PPP1R1C: variants seen among roughly 807,000 people sequenced by gnomAD.
The protein encoded by PPP1R1C is protein phosphatase 1 regulatory inhibitor subunit 1C.
In PPP1R1C, 15 loss-of-function variants were observed where a neutral mutation model predicts 17.4. That is an observed-to-expected ratio of 0.86 (90% CI 0.58 to 1.33). The LOEUF is 1.33. PPP1R1C is among the 40% of genes most tolerant of loss of function. The pLI is 0.00. For missense variants in PPP1R1C, 143 were observed against 130.0 expected (o/e 1.10, Z -0.48); for synonymous variants, 35 against 43.1 (o/e 0.81, Z 0.73).
At chr2:182,051,873 C>T (rs1428748782) in intron 2 of PPP1R1C, among the ~76,000 whole-genome samples, 1 of 152,006 alleles carries the variant, frequency 6.6e-6, no homozygotes, top group African/African-American at 2.4e-5. Flanking sequence ...TACTGGTGCG[C>T]ATCTGCAATC....
At chr2:182,022,167 C>T (rs755805959) in intron 2 of PPP1R1C, among the ~76,000 whole-genome samples, 1 of 152,150 alleles carries the variant, frequency 6.6e-6, no homozygotes, top group Admixed American at 6.5e-5. Flanking sequence ...ATTAAAGAAA[C>T]CACTACATGC....
downstream of PPP1R1C, among the ~76,000 whole-genome samples, chr2:182,119,676 A>G (rs901146127): frequency 2.6e-5 from 4 of 152,042 alleles, no homozygotes; most frequent in African/African-American, 7.2e-5. Context: ...GCATTTTTTC[A>G]TGTGTCTGTT....
intron 2 of PPP1R1C, among the ~76,000 whole-genome samples, chr2:181,996,831 A>C (rs1685625394): frequency 6.6e-6 from 1 of 152,234 alleles, no homozygotes; most frequent in Non-Finnish European, 1.5e-5. Flanking sequence ...ACATAGAAGA[A>C]TGAGAAGTTA....
intron 2 of PPP1R1C, among the ~76,000 whole-genome samples, chr2:181,997,222 C>G (rs1040882860): frequency 4.4e-5 from 6 of 135,910 alleles, no homozygotes; most frequent in African/African-American, 1.8e-4. Context: ...GAGCAAGACT[C>G]CGTCTCAAAA....
At chr2:182,002,056 G>T (rs1685782597) in intron 2 of PPP1R1C, among the ~76,000 whole-genome samples, 1 of 152,080 alleles carries the variant, frequency 6.6e-6, no homozygotes, top group African/African-American at 2.4e-5. Context: ...GCGTATCATT[G>T]TGGACATATT....
intron 5 of PPP1R1C, among the ~76,000 whole-genome samples, chr2:182,123,935 A>G (rs541218335): frequency 6.5e-4 from 99 of 152,104 alleles, no homozygotes; most frequent in Non-Finnish European, 1.3e-3. Flanking sequence ...GCCCATCCCT[A>G]TGTCGTGAAT....
intron 4 of PPP1R1C, among the ~76,000 whole-genome samples, chr2:182,093,070 C>G (rs1443758098): frequency 6.6e-6 from 1 of 152,188 alleles, no homozygotes; most frequent in Non-Finnish European, 1.5e-5. Context: ...CCATGAGGGC[C>G]CTAACCCCTG....
Position 181,962,576 on chromosome 2 carries a change from C to G in PPP1R1C, n.111+7942C>G. The G allele has an allele frequency of 2.0e-6, 1 of 499,146 alleles. No individual in the cohort carries two copies. Among genetic ancestry groups the G allele is most frequent in the Non-Finnish European group, 3.6e-6 (1 of 277,890 alleles). 30.9% of individuals were successfully genotyped at this position (499,146 alleles called of 1,614,324 possible). A position where few individuals can be genotyped will look rare whatever the true frequency, so the allele number is the denominator to read the frequency against. ...CTGCAGAGAAACATCAAGCTCAGAT[C>G]GAACAAAGCAAAGAGCGGGAGGGGC... On this transcript the variant is annotated intron_variant and non_coding_transcript_variant, in intron 1 of 5. Transcript: ENST00000464264. This position sits in a 1 kb window ranked among gnomAD's most constrained non-coding sequence, Gnocchi z 6.0.
At position 182,055,491 on chromosome 2, in the gene PPP1R1C, T is replaced by C. The variant is rs140834773; in HGVS notation, c.143-5951T>C. 3.9e-3 allele frequency among the ~76,000 whole-genome samples: 595 copies of C among 152,308 alleles called. 6 individuals carry two copies. The highest frequency in any genetic ancestry group is 0.014 in the African/African-American group (570 of 41,570). ...CTTTTTTCAATCCTTTTTCTTCTGG[T>C]TATAGAGGACTTCCTTTGCCATTCA... On this transcript the variant is annotated intron_variant, in intron 2 of 4. Transcript: ENST00000682840.
At chr2:182,063,246 A>G (rs1188874893) in intron 3 of PPP1R1C, among the ~76,000 whole-genome samples, 3 of 151,978 alleles carry the variant, frequency 2.0e-5, no homozygotes, top group Admixed American at 2.0e-4. Context: ...AATGGAGGTA[A>G]TAGTTGAACA....
At chr2:182,001,480 A>G (rs1685766223) in intron 2 of PPP1R1C, among the ~76,000 whole-genome samples, 4 of 152,160 alleles carry the variant, frequency 2.6e-5, no homozygotes, top group South Asian at 2.1e-4. Flanking sequence ...TTCTAAGAAT[A>G]TAGGAGCTCA....
chr2:181,955,173 T>G (rs572784496), intron 1 of PPP1R1C, among the ~76,000 whole-genome samples: 299 of 152,226 alleles, frequency 2.0e-3, no homozygotes, highest in Non-Finnish European at 3.4e-3. Context: ...AAATAAATCA[T>G]CCTTCTGAGT....
intron 4 of PPP1R1C, among the ~76,000 whole-genome samples, chr2:182,113,772 CTT>C (rs920277770): frequency 4.0e-5 from 6 of 151,896 alleles, no homozygotes; most frequent in Non-Finnish European, 7.4e-5. Context: ...AACCTTTACT[CTT>C]TGCCATTCAT....
At chr2:182,122,157 T>C (rs1380751668), downstream of PPP1R1C, among the ~76,000 whole-genome samples, 3 of 152,148 alleles carry the variant, frequency 2.0e-5, no homozygotes, top group Non-Finnish European at 4.4e-5. Flanking sequence ...GAGTTATTTC[T>C]ATTGGACGAT....
At chr2:182,050,324 A>C (rs1266047049) in intron 2 of PPP1R1C, among the ~76,000 whole-genome samples, 2 of 152,300 alleles carry the variant, frequency 1.3e-5, no homozygotes, top group South Asian at 2.1e-4. Context: ...ATTTCATAGA[A>C]GTTTATCTTC....
At chr2:182,109,930 T>C (rs1030969286) in intron 4 of PPP1R1C, among the ~76,000 whole-genome samples, 1 of 152,186 alleles carries the variant, frequency 6.6e-6, no homozygotes, top group Non-Finnish European at 1.5e-5. Context: ...ATATCAGGAC[T>C]GACATATATA....
At chr2:181,988,351 G>A (rs754338594) in intron 2 of PPP1R1C, among the ~76,000 whole-genome samples, 6 of 152,240 alleles carry the variant, frequency 3.9e-5, no homozygotes, top group African/African-American at 7.2e-5. Context: ...TGCTGATGAC[G>A]TCATCTCTGA....
intron 4 of PPP1R1C, among the ~76,000 whole-genome samples, chr2:182,101,907 C>A (rs1689107815): frequency 6.6e-6 from 1 of 152,140 alleles, no homozygotes. Context: ...AAGCTGCACT[C>A]CTTCAATGTC....
intron 2 of PPP1R1C, among the ~76,000 whole-genome samples, chr2:182,053,909 T>C (rs2125190670): frequency 1.3e-5 from 2 of 152,184 alleles, no homozygotes; most frequent in South Asian, 4.1e-4. Flanking sequence ...GCCTTCTGAG[T>C]AGCTGGGACT....
Sources: allele counts gnomAD v4.1 joint callset (sites outside exome capture counted in the v4.1 genomes callset), GRCh38; gene constraint gnomAD v4.1.1; non-coding constraint Gnocchi (gnomAD v3.1); transcripts MANE v1.5; gene names NCBI Gene and HGNC (gene_info 2026-07-23, HGNC 2026-07-21).